The following JPH3 variants were observed in gnomAD, a reference collection of about 807,000 sequenced individuals.
JPH3 encodes the protein junctophilin 3.
Under a neutral mutation model 59.6 loss-of-function variants are expected in JPH3, and 11 were observed. That is an observed-to-expected ratio of 0.18 (90% confidence interval 0.12 to 0.31). The LOEUF (loss-of-function observed/expected upper bound fraction) is 0.31, where lower values mean the gene tolerates loss of function less well. Among genes scored for constraint, JPH3 ranks in the 10% least tolerant of loss-of-function variants. The probability of loss-of-function intolerance (pLI) is 1.00; values close to 1 mark genes in which losing one functional copy is unlikely to be tolerated. For missense variants in JPH3, 1,202 were observed against 1,105.7 expected, an observed-to-expected ratio of 1.09 and a Z score of -1.24; for synonymous variants, 673 against 483.6, an observed-to-expected ratio of 1.39 and a Z score of -5.14.
chr16:87,631,254 G>T (rs1474393970), intron 1 of JPH3, among the ~76,000 whole-genome samples: 2 of 152,084 alleles, frequency 1.3e-5, no homozygotes, highest in Non-Finnish European at 2.9e-5. Context: ...TTCTTTCATG[G>T]TTTCCTCCCT....
intron 4 of JPH3, chr16:87,696,342 G>T: frequency 1.7e-6 from 1 of 576,976 alleles, no homozygotes; most frequent in Non-Finnish European, 3.1e-6. Flanking sequence ...AATTCCAAGG[G>T]AATTCCAGGA....
chr16:87,657,511 T>G (rs9928780), intron 2 of JPH3, among the ~76,000 whole-genome samples: 3 of 152,154 alleles, frequency 2.0e-5, no homozygotes, highest in African/African-American at 7.2e-5. Context: ...TGAATGCCAC[T>G]GAACTGTGAA....
chr16:87,615,942 C>T (rs888745458), intron 1 of JPH3, among the ~76,000 whole-genome samples: 7 of 152,210 alleles, frequency 4.6e-5, no homozygotes, highest in Admixed American at 2.0e-4. Flanking sequence ...GAGCTCTGAG[C>T]GACAGGAGGG....
chr16:87,684,622 A>T (rs2033373231), intron 3 of JPH3: 1 of 264,658 alleles, frequency 3.8e-6, no homozygotes, highest in Non-Finnish European at 7.3e-6. Context: ...GGGATGATGG[A>T]ACTATCTGCT....
At chr16:87,695,258 C>T (rs2033774422) in intron 4 of JPH3, 1 of 454,820 alleles carries the variant, frequency 2.2e-6, no homozygotes, top group Non-Finnish European at 4.4e-6. Context: ...TAACAGACCA[C>T]CCCATCATGT....
In JPH3 at chr16:87,626,115, C is replaced by T. The variant is rs548436093; in HGVS notation, c.383-18143C>T. On this transcript the variant is annotated intron_variant, in intron 1 of 4. Transcript: ENST00000284262. ...CAGGTGTTTGGTGGGGGAGGAGCCTCCTTGGGGGTGCCAAGAGCAACAGCG... is the reference window on the plus strand; with the variant it reads ...CAGGTGTTTGGTGGGGGAGGAGCCTTCTTGGGGGTGCCAAGAGCAACAGCG... Among the ~76,000 whole-genome samples the T allele has an allele frequency of 4.9e-4, 75 of 152,282 alleles. 1 individual carries two copies. The highest frequency in any genetic ancestry group is 1.7e-3 in the African/African-American group (72 of 41,564).
At chr16:87,647,606 T>G (rs1396880416) in intron 2 of JPH3, among the ~76,000 whole-genome samples, 1 of 152,198 alleles carries the variant, frequency 6.6e-6, no homozygotes, top group Non-Finnish European at 1.5e-5. Context: ...TGGTTCCTGC[T>G]TCCGCATGCG....
chr16:87,617,534 G>A (rs1210594603), intron 1 of JPH3, among the ~76,000 whole-genome samples: 1 of 151,882 alleles, frequency 6.6e-6, no homozygotes, highest in Non-Finnish European at 1.5e-5. Context: ...GGGAAATGGG[G>A]GGCCAGAGAG....
chr16:87,664,223 T>C (rs997008236), intron 2 of JPH3, among the ~76,000 whole-genome samples: 2 of 146,122 alleles, frequency 1.4e-5, no homozygotes, highest in Non-Finnish European at 1.5e-5. Flanking sequence ...CCCAGCTACA[T>C]GGGAGGCTGA....
At chr16:87,650,606 A>G (rs1276392310) in intron 2 of JPH3, among the ~76,000 whole-genome samples, 1 of 152,264 alleles carries the variant, frequency 6.6e-6, no homozygotes, top group East Asian at 1.9e-4. Flanking sequence ...AAAGTAATTG[A>G]AGAAAATTAA....
chr16:87,672,298 C>T (rs911902373), intron 2 of JPH3, among the ~76,000 whole-genome samples: 1 of 152,176 alleles, frequency 6.6e-6, no homozygotes. Flanking sequence ...CCTCTCCATC[C>T]CTCCCTACTC....
intron 1 of JPH3, among the ~76,000 whole-genome samples, chr16:87,612,569 G>C (rs2030769189): frequency 6.6e-6 from 1 of 152,140 alleles, no homozygotes; most frequent in Admixed American, 6.6e-5. Flanking sequence ...ACCCATGCCG[G>C]GGTCCATCCA....
At chr16:87,653,092 C>G (rs2032378706) in intron 2 of JPH3, among the ~76,000 whole-genome samples, 1 of 152,202 alleles carries the variant, frequency 6.6e-6, no homozygotes, top group Admixed American at 6.5e-5. Flanking sequence ...AATTCTCACC[C>G]AGGCCTCTGC....
chr16:87,686,529 C>T (rs2033422738), intron 3 of JPH3, among the ~76,000 whole-genome samples: 2 of 144,494 alleles, frequency 1.4e-5, no homozygotes, highest in South Asian at 4.5e-4. Context: ...TCCCGGAGGG[C>T]TCAGTCCTGG....
At chr16:87,687,854 G>T (rs575467575) in intron 3 of JPH3, among the ~76,000 whole-genome samples, 7 of 151,852 alleles carry the variant, frequency 4.6e-5, no homozygotes, top group East Asian at 1.9e-4. Flanking sequence ...ATCGGGGGAT[G>T]GGGGGGGCCT....
At chr16:87,677,864 G>C (rs1386043692) in intron 2 of JPH3, among the ~76,000 whole-genome samples, 1 of 152,244 alleles carries the variant, frequency 6.6e-6, no homozygotes, top group Non-Finnish European at 1.5e-5. Context: ...CCGGAGGCCT[G>C]AGATTGTGGG....
chr16:87,634,313 G>A (rs1440827287), intron 1 of JPH3, among the ~76,000 whole-genome samples: 1 of 152,160 alleles, frequency 6.6e-6, no homozygotes, highest in Non-Finnish European at 1.5e-5. Context: ...CAGAGAGTGG[G>A]TATAGGGGAC....
At chr16:87,646,305 C>T (rs771904702) in intron 2 of JPH3, among the ~76,000 whole-genome samples, 1 of 152,138 alleles carries the variant, frequency 6.6e-6, no homozygotes, top group East Asian at 1.9e-4. Context: ...ATATGTTGCT[C>T]GCGACTTCTA....
chr16:87,685,437 C>T (rs1367824865), intron 3 of JPH3, among the ~76,000 whole-genome samples: 3 of 152,396 alleles, frequency 2.0e-5, no homozygotes, highest in South Asian at 4.1e-4. Flanking sequence ...TCCATGGTCT[C>T]GCCCTCAGGC....
Sources: gnomAD v4.1 joint callset for allele counts (sites outside exome capture counted in the v4.1 genomes callset) on GRCh38, gnomAD v4.1.1 for gene constraint, MANE v1.5 for transcripts, NCBI Gene and HGNC (gene_info 2026-07-23, HGNC 2026-07-21) for gene names.